The following TMEM53 variants were observed in gnomAD, a reference collection of about 807,000 sequenced individuals.
The protein encoded by TMEM53 is transmembrane protein 53.
TMEM53 carries 14 observed loss-of-function variants against 21.4 expected under a neutral mutation model. The ratio of observed to expected loss-of-function variants is 0.65; its 90% CI spans 0.43 to 1.02. The LOEUF (loss-of-function observed/expected upper bound fraction) is 1.02, where lower values mean the gene tolerates loss of function less well. Ranked by LOEUF, TMEM53 falls within the 50% of genes least tolerant of loss-of-function variation. The pLI is 0.00. For synonymous variants in TMEM53, 148 were observed against 157.4 expected, an observed-to-expected ratio of 0.94 and a Z score of 0.45; for missense variants, 323 against 383.6, an observed-to-expected ratio of 0.84 and a Z score of 1.32.
chr1:44,667,972 G>A (rs143664438), intron 1 of TMEM53, among the ~76,000 whole-genome samples: 7 of 152,114 alleles, frequency 4.6e-5, no homozygotes, highest in Admixed American at 1.3e-4. Context: ...TTACAAATAC[G>A]TATATTGTAC....
At chr1:44,672,854 C>T (rs1246488735) in intron 1 of TMEM53, among the ~76,000 whole-genome samples, 1 of 152,110 alleles carries the variant, frequency 6.6e-6, no homozygotes, top group African/African-American at 2.4e-5. Context: ...CAGGGACACA[C>T]ATCCAAACGC....
chr1:44,666,988 C>A (rs1287683487), intron 1 of TMEM53, among the ~76,000 whole-genome samples: 1 of 151,924 alleles, frequency 6.6e-6, no homozygotes, highest in Non-Finnish European at 1.5e-5. Context: ...AGACTACAGG[C>A]ACATGGTACC....
At chr1:44,662,504 T>C (rs1040721323) in intron 1 of TMEM53, among the ~76,000 whole-genome samples, 50 of 152,190 alleles carry the variant, frequency 3.3e-4, no homozygotes, top group African/African-American at 1.2e-3. Flanking sequence ...CAGGCCAACC[T>C]TGCTGGGTCT....
intron 1 of TMEM53, 188 bp downstream of exon 1, chr1:44,674,143 A>T (rs1645053818): frequency 1.0e-6 from 1 of 984,514 alleles, no homozygotes; most frequent in Non-Finnish European, 1.2e-6. Flanking sequence ...AGGGAGGAAC[A>T]CTCTGGGGCG....
intron 1 of TMEM53, among the ~76,000 whole-genome samples, chr1:44,668,933 C>T (rs779009482): frequency 6.6e-6 from 1 of 152,306 alleles, no homozygotes; most frequent in Middle Eastern, 3.4e-3. Context: ...AATCATATCT[C>T]GGTTCAAATC....
rs1039631861 is a variant in TMEM53 at position 44,673,951 on chromosome 1, A to C, written c.61+380T>G. On this transcript the variant is annotated intron_variant, in intron 1 of 2. Transcript: ENST00000372237. ...CCCCCTCCACGCCTTCGGGAAAATA[A>C]TAAGTGATAGGCTAGATGTGGGAAG... 7.1e-6 allele frequency: 7 copies of C among 985,350 alleles called. No individual in the cohort carries two copies. In the African/African-American group the frequency reaches 1.2e-4, roughly 17 times the overall value. 61.0% of individuals were successfully genotyped at this position (985,350 alleles called of 1,614,324 possible).
At position 44,660,217 on chromosome 1, in the gene TMEM53, T is replaced by G. The variant is rs756469439; in HGVS notation, c.140A>C (p.Lys47Thr). ...ACTGTACTTGGCAAGGTTCTTGTCC[T>G]TGCAGCCACCCCAGCCCAAGAGAAT... is the stretch of plus-strand genomic sequence containing the variant. ...VVILLGWGGCKDKNLAKYSAI... is the reference protein window; with the variant it reads ...VVILLGWGGCTDKNLAKYSAI... Residue 47 changes from lysine to threonine, a missense_variant, in exon 2 of 3, where the codon AAG becomes ACG. Lys to Thr is a moderately conservative substitution (Grantham distance 78). Transcript: ENST00000372237. 6.2e-7 allele frequency: 1 copy of G among 1,614,184 alleles called. No homozygotes were observed. The highest frequency in any genetic ancestry group is 8.5e-7 in the Non-Finnish European group (1 of 1,180,004).
chr1:44,654,716 C>G lies in TMEM53; in HGVS notation c.677G>C (p.Arg226Thr). The change falls in exon 3 of 3, where the codon AGA becomes ACA. Residue 226 changes from arginine to threonine, a missense_variant. By Grantham distance (71) the Arg-to-Thr change is moderately conservative. Around this residue, in one of 3 missense-constraint regions of TMEM53, gnomAD observed 269 missense variants for 334.5 expected, o/e 0.80. Transcript: ENST00000372237. This position sits in a 1 kb window ranked among gnomAD's most constrained non-coding sequence, Gnocchi z 7.0. Reference protein sequence around the residue: ...YSRADEVVLARDIERMVEARL... With the variant: ...YSRADEVVLATDIERMVEARL... ...TGCCTCCACCATGCGTTCTATGTCT[C>G]TGGCCAGGACTACTTCGTCAGCCCT... 6.2e-7 allele frequency: 1 copy of G among 1,614,170 alleles called. No homozygotes were observed. Among genetic ancestry groups the G allele is most frequent in the Non-Finnish European group, 8.5e-7 (1 of 1,180,036 alleles).
At chr1:44,671,810 T>G (rs1263536051) in intron 1 of TMEM53, among the ~76,000 whole-genome samples, 1 of 152,020 alleles carries the variant, frequency 6.6e-6, no homozygotes, top group Non-Finnish European at 1.5e-5. Context: ...GTGCCTGTAG[T>G]CCCAGCTACT....
intron 1 of TMEM53, among the ~76,000 whole-genome samples, chr1:44,665,989 G>A (rs1301059024): frequency 6.8e-6 from 1 of 146,364 alleles, no homozygotes; most frequent in Non-Finnish European, 1.5e-5. Context: ...TGATAAGGGA[G>A]TAATATCCAG....
chr1:44,655,061 A>G lies in TMEM53; in HGVS notation c.332T>C (p.Val111Ala), dbSNP rs1180500992. Reference sequence around the variant, plus strand: ...CAGCATGACGCCACCGTTGCTGAAGACATGGAAGAGCAGGGGCTCCTTCTC... The same window carrying G: ...CAGCATGACGCCACCGTTGCTGAAGGCATGGAAGAGCAGGGGCTCCTTCTC... ...EIEKEPLLFH[V>A]FSNGGVMLYR... Residue 111 changes from valine (V) to alanine (A), a missense_variant, in exon 3 of 3, where the codon GTC (valine) becomes GCC (alanine). Physicochemically the swap from Val to Ala is moderately conservative, Grantham distance 64. Coordinates refer to ENST00000372237, the MANE Select transcript of TMEM53 (RefSeq NM_024587.4). The surrounding 1 kb of genome is among the most constrained non-coding windows in gnomAD (Gnocchi z 4.4). 3.7e-6 allele frequency: 6 copies of G among 1,614,216 alleles called. No individual in the cohort carries two copies. Among genetic ancestry groups the G allele is most frequent in the Non-Finnish European group, 5.1e-6 (6 of 1,180,036 alleles).
In TMEM53 at chr1:44,662,317, C is replaced by T. The variant is rs538796523; in HGVS notation, c.62-2022G>A. Among the ~76,000 whole-genome samples the T allele has an allele frequency of 3.3e-5, 5 of 152,338 alleles. No individual in the cohort carries two copies. The East Asian group carries it at 7.7e-4, about 23-fold the overall frequency. ...CCCTGCTGACACCTGCCAGCCCTCC[C>T]GGCCTCCACAGGTGCTGGCTCGGCC... is the stretch of plus-strand genomic sequence containing the variant. On this transcript the variant is annotated intron_variant, in intron 1 of 2. Transcript: ENST00000372237.
chr1:44,657,011 C>CTCA (rs1553133282), intron 2 of TMEM53, among the ~76,000 whole-genome samples: 1 of 141,636 alleles, frequency 7.1e-6, no homozygotes, highest in Non-Finnish European at 1.5e-5. Context: ...GACTCTCTCT[C>CTCA]AAAAAAAAAA....
intron 1 of TMEM53, 22 bp downstream of exon 1, chr1:44,674,309 G>A (rs1429946064): frequency 2.5e-6 from 4 of 1,604,004 alleles, no homozygotes; most frequent in Non-Finnish European, 3.4e-6. Flanking sequence ...CCCCGCGCCT[G>A]GACCCAACCC....
At position 44,655,810 on chromosome 1, in the gene TMEM53, C is replaced by G. The variant is rs780534710; in HGVS notation, c.184-601G>C. Reference sequence around the variant, plus strand: ...TCCCTCTCTCCCAGGCTCCTAAAAACAGAGTCCATACTCTCTGGACTCAGG... The same window carrying G: ...TCCCTCTCTCCCAGGCTCCTAAAAAGAGAGTCCATACTCTCTGGACTCAGG... On this transcript the variant is annotated intron_variant, in intron 2 of 2. Coordinates refer to ENST00000372237, the MANE Select transcript of TMEM53 (RefSeq NM_024587.4). The surrounding 1 kb of genome is among the most constrained non-coding windows in gnomAD (Gnocchi z 4.4). Among the ~76,000 whole-genome samples the G allele has an allele frequency of 3.9e-5, 6 of 152,196 alleles. No homozygotes were observed. The highest frequency in any genetic ancestry group is 7.3e-5 in the Non-Finnish European group (5 of 68,028).
chr1:44,656,372 C>G (rs965653348), intron 2 of TMEM53, among the ~76,000 whole-genome samples: 1 of 152,170 alleles, frequency 6.6e-6, no homozygotes, highest in African/African-American at 2.4e-5. Context: ...GTGGTAGTGA[C>G]AAGGAGAAAA....
chr1:44,655,082 T>C lies in TMEM53; in HGVS notation c.311A>G (p.Lys104Arg). ...LELLFDYEIE[K>R]EPLLFHVFSN... ...GAAGACATGGAAGAGCAGGGGCTCCTTCTCAATCTCATAATCAAAGAGCAG... is the reference window on the plus strand; with the variant it reads ...GAAGACATGGAAGAGCAGGGGCTCCCTCTCAATCTCATAATCAAAGAGCAG... Residue 104 changes from lysine (K) to arginine (R), a missense_variant, in exon 3 of 3, where the codon AAG (lysine) becomes AGG (arginine). Around this residue, in one of 3 missense-constraint regions of TMEM53, gnomAD observed 269 missense variants for 334.5 expected, o/e 0.80. Transcript: ENST00000372237. This position sits in a 1 kb window ranked among gnomAD's most constrained non-coding sequence, Gnocchi z 4.4. The C allele has an allele frequency of 1.2e-6, 2 of 1,614,174 alleles. No individual in the cohort carries two copies. Among genetic ancestry groups the C allele is most frequent in the Non-Finnish European group, 1.7e-6 (2 of 1,180,014 alleles).
chr1:44,671,310 A>C (rs1046297792), intron 1 of TMEM53, among the ~76,000 whole-genome samples: 1 of 152,242 alleles, frequency 6.6e-6, no homozygotes, highest in African/African-American at 2.4e-5. Context: ...TCCCAGCAGA[A>C]GGATGTTGGG....
At chr1:44,663,184 G>C (rs768382861) in intron 1 of TMEM53, among the ~76,000 whole-genome samples, 6 of 152,224 alleles carry the variant, frequency 3.9e-5, no homozygotes, top group Non-Finnish European at 5.9e-5. Flanking sequence ...CTTCTGAGTA[G>C]TTGGGACCAC....
Sources: gnomAD v4.1 joint callset for allele counts (sites outside exome capture counted in the v4.1 genomes callset) on GRCh38, gnomAD v4.1.1 for gene constraint, gnomAD v4.1.1 regional missense constraint, Gnocchi (gnomAD v3.1) non-coding constraint, MANE v1.5 for transcripts, NCBI Gene and HGNC (gene_info 2026-07-23, HGNC 2026-07-21) for gene names.